Variants in NBAS observed in about 807,000 individuals in gnomAD.
NBAS encodes the protein NBAS subunit of NRZ tethering complex, also known as NAG/BC035112 fusion.
Under a neutral mutation model 302.5 loss-of-function variants are expected in NBAS, and 219 were observed. The ratio of observed to expected loss-of-function variants is 0.72; its 90% CI spans 0.65 to 0.81. The LOEUF is 0.81. Among genes scored for constraint, NBAS ranks in the 30% least tolerant of loss-of-function variants. The pLI, the probability that NBAS is intolerant of heterozygous loss-of-function variation, is 0.00. For missense variants in NBAS, 2,932 were observed against 2,841.6 expected, an observed-to-expected ratio of 1.03 and a Z score of -0.72; for synonymous variants, 1,118 against 1,021.6, an observed-to-expected ratio of 1.09 and a Z score of -1.80.
At chr2:15,476,836 A>T (rs1389928438) in intron 13 of NBAS, among the ~76,000 whole-genome samples, 3 of 152,264 alleles carry the variant, frequency 2.0e-5, no homozygotes, top group African/African-American at 7.2e-5. Context: ...TATACAAAAC[A>T]TATGATGTGG....
intron 42 of NBAS, among the ~76,000 whole-genome samples, chr2:15,277,567 A>G (rs1042922987): frequency 6.6e-6 from 1 of 152,260 alleles, no homozygotes; most frequent in Admixed American, 6.5e-5. Flanking sequence ...CTTAAGATTT[A>G]CATGCAAGAG....
intron 30 of NBAS, among the ~76,000 whole-genome samples, chr2:15,377,826 G>C (rs2148368490): frequency 6.6e-6 from 1 of 152,264 alleles, no homozygotes; most frequent in African/African-American, 2.4e-5. Context: ...GAAATGTATA[G>C]TATTATCTCA....
At chr2:15,238,348 CA>C in intron 45 of NBAS, 119 bp downstream of exon 45, 4 of 972,654 alleles carry the variant, frequency 4.1e-6, no homozygotes, top group Non-Finnish European at 4.6e-6. Context: ...GGCTTGCGGA[CA>C]ATTTTCAAGG....
the NBAS span, among the ~76,000 whole-genome samples, chr2:14,986,982 T>C: frequency 7.2e-5 from 11 of 152,098 alleles, no homozygotes; most frequent in African/African-American, 2.7e-4. Context: ...ACAAAGTCCA[T>C]TAGTTTATCT....
intron 21 of NBAS, among the ~76,000 whole-genome samples, chr2:15,451,937 G>C (rs6431704): frequency 6.6e-6 from 1 of 151,642 alleles, no homozygotes; most frequent in East Asian, 1.9e-4. Context: ...CCACTCTAAA[G>C]CTTATTTAAT....
At chr2:14,848,510 G>C in the NBAS span, among the ~76,000 whole-genome samples, 2 of 144,334 alleles carry the variant, frequency 1.4e-5, no homozygotes, top group South Asian at 4.2e-4. Flanking sequence ...AGGGGCGCCC[G>C]CCATTGCCCA....
At chr2:15,057,636 C>G in the NBAS span, among the ~76,000 whole-genome samples, 1 of 152,178 alleles carries the variant, frequency 6.6e-6, no homozygotes, top group Non-Finnish European at 1.5e-5. Flanking sequence ...CCTTTGCGTC[C>G]TCATAGCTGA....
chr2:15,258,015 T>A (rs1014155946), intron 44 of NBAS, among the ~76,000 whole-genome samples: 8 of 152,196 alleles, frequency 5.3e-5, no homozygotes, highest in African/African-American at 1.9e-4. Context: ...ATAATTTTAT[T>A]TTTATATTTA....
the NBAS span, among the ~76,000 whole-genome samples, chr2:15,038,810 T>C: frequency 0.82 from 125,406 of 152,216 alleles, 52,008 homozygotes; most frequent in East Asian, 1. Flanking sequence ...CACTCCATGC[T>C]GCCTGGCCAG....
chr2:15,561,006 C>T (rs1664889741), intron 1 of NBAS, among the ~76,000 whole-genome samples, 182 bp downstream of exon 1: 1 of 151,800 alleles, frequency 6.6e-6, no homozygotes, highest in Admixed American at 6.6e-5. Context: ...CAGGGACCAC[C>T]ACCCCACCCC....
chr2:14,895,517 T>C, the NBAS span, among the ~76,000 whole-genome samples: 1 of 152,098 alleles, frequency 6.6e-6, no homozygotes, highest in East Asian at 1.9e-4. Context: ...GGCGGGTGGA[T>C]CACAAGGTCA....
chr2:15,232,239 G>T (rs181625320), intron 47 of NBAS, among the ~76,000 whole-genome samples, 183 bp downstream of exon 47: 6 of 152,190 alleles, frequency 3.9e-5, no homozygotes, highest in African/African-American at 1.4e-4. Flanking sequence ...TGGCAAGCAG[G>T]ACCTGGAGCT....
At chr2:15,097,259 G>A in the NBAS span, among the ~76,000 whole-genome samples, 3 of 152,082 alleles carry the variant, frequency 2.0e-5, no homozygotes, top group Non-Finnish European at 4.4e-5. Flanking sequence ...CTGGGGTGGG[G>A]GACAAGGTGT....
At chr2:15,071,641 A>G in the NBAS span, among the ~76,000 whole-genome samples, 284 of 150,782 alleles carry the variant, frequency 1.9e-3, no homozygotes, top group Admixed American at 4.4e-3. Context: ...AAAAAAAAAA[A>G]GGGAATTGCC....
chr2:15,346,261 A>C (rs903981383), intron 35 of NBAS, among the ~76,000 whole-genome samples: 3 of 152,202 alleles, frequency 2.0e-5, no homozygotes, highest in Non-Finnish European at 4.4e-5. Flanking sequence ...TACCCATCTG[A>C]CAAAGATCCA....
chr2:14,981,307 G>A, the NBAS span, among the ~76,000 whole-genome samples: 2 of 152,200 alleles, frequency 1.3e-5, no homozygotes. Context: ...GCATCACACA[G>A]TGAAGCAAGC....
At chr2:14,875,032 A>C in the NBAS span, among the ~76,000 whole-genome samples, 1 of 152,166 alleles carries the variant, frequency 6.6e-6, no homozygotes, top group African/African-American at 2.4e-5. Flanking sequence ...TACAAAAAAA[A>C]ATCTGTAAAT....
At chr2:14,904,974 G>A in the NBAS span, among the ~76,000 whole-genome samples, 13 of 152,184 alleles carry the variant, frequency 8.5e-5, no homozygotes, top group Non-Finnish European at 1.8e-4. Context: ...GTGTGAACCC[G>A]GGAAGCGGAG....
At chr2:15,523,857 T>A (rs529361126) in intron 9 of NBAS, among the ~76,000 whole-genome samples, 1 of 152,230 alleles carries the variant, frequency 6.6e-6, no homozygotes, top group South Asian at 2.1e-4. Flanking sequence ...GATGTTGTAG[T>A]AAGCCGAGAT....
Sources: allele counts gnomAD v4.1 joint callset (sites outside exome capture counted in the v4.1 genomes callset), GRCh38; gene constraint gnomAD v4.1.1; transcripts MANE v1.5; gene names NCBI Gene and HGNC (gene_info 2026-07-23, HGNC 2026-07-21).